MTHFD2L: variants seen among roughly 807,000 people sequenced by gnomAD.
The protein encoded by MTHFD2L is methylenetetrahydrofolate dehydrogenase (NADP+ dependent) 2 like, also known as bifunctional methylenetetrahydrofolate dehydrogenase/cyclohydrolase 2, mitochondrial.
A neutral mutation model predicts 34.9 loss-of-function variants in MTHFD2L; 29 were observed. That is an observed-to-expected ratio of 0.83 (90% confidence interval 0.62 to 1.13). The LOEUF (loss-of-function observed/expected upper bound fraction) is 1.13, where lower values mean the gene tolerates loss of function less well. Among genes scored for constraint, MTHFD2L ranks in the 50% most tolerant of loss-of-function variants. The pLI is 0.00. For synonymous variants in MTHFD2L, 167 were observed against 155.7 expected (o/e 1.07, Z -0.54); for missense variants, 481 against 446.5 (o/e 1.08, Z -0.70).
intron 6 of MTHFD2L, chr4:74,280,399 C>G (rs1006084725): frequency 1.3e-5 from 2 of 152,116 alleles, no homozygotes; most frequent in Non-Finnish European, 2.9e-5. Context: ...CAGTTGACAG[C>G]CTTAGCTATG....
chr4:74,232,861 G>C (rs1740285749), intron 6 of MTHFD2L, among the ~76,000 whole-genome samples: 4 of 151,992 alleles, frequency 2.6e-5, no homozygotes, highest in African/African-American at 7.2e-5. Context: ...ATAGTATTGA[G>C]TGCTATGGAT....
chr4:74,229,489 AAGG>A (rs1560510696), intron 6 of MTHFD2L, among the ~76,000 whole-genome samples: 1 of 152,138 alleles, frequency 6.6e-6, no homozygotes, highest in Non-Finnish European at 1.5e-5. Flanking sequence ...CTCAGGGTAG[AAGG>A]AGGAGGATTG....
chr4:74,199,647 A>T (rs1026170382), intron 3 of MTHFD2L, 147 bp from the exon 4 acceptor site: 30 of 664,764 alleles, frequency 4.5e-5, no homozygotes, highest in African/African-American at 1.5e-4. Context: ...TTTTGGTGGC[A>T]AATAATAATA....
rs201418698 is a variant in MTHFD2L, at chr4:74,174,614, C to T, written c.252C>T (p.Leu84=). The T allele has an allele frequency of 3.7e-6, 6 of 1,605,246 alleles. No homozygotes were observed. In the Admixed American group the frequency reaches 1.0e-4, roughly 27 times the overall value. Residue 84 remains leucine, a synonymous_variant, in exon 2 of 8, where the codon CTC becomes CTT. Coordinates refer to ENST00000325278, the MANE Select transcript of MTHFD2L (RefSeq NM_001144978.3). ...CCCTTGGAAACAGAAGACCTCACCT[C>T]AGTATAATTTTAGTGGGAGATAACC... ...WVSLGNRRPH[L]SIILVGDNPA...
At chr4:74,155,973 G>A (rs1724220173), upstream of MTHFD2L, among the ~76,000 whole-genome samples, 1 of 149,630 alleles carries the variant, frequency 6.7e-6, no homozygotes, top group Non-Finnish European at 1.5e-5. Flanking sequence ...TATGTATTTA[G>A]AACATACAAA....
intron 7 of MTHFD2L, among the ~76,000 whole-genome samples, chr4:74,293,154 T>G (rs575818286): frequency 6.6e-6 from 1 of 152,256 alleles, no homozygotes; most frequent in Non-Finnish European, 1.5e-5. Flanking sequence ...CATCAACCCA[T>G]TGTCTACATT....
At chr4:74,174,763 A>C (rs1728705991) in intron 2 of MTHFD2L, 73 bp downstream of exon 2, 2 of 1,073,466 alleles carry the variant, frequency 1.9e-6, no homozygotes, top group Admixed American at 3.0e-5. Context: ...GATAATTATG[A>C]ATGATAATTA....
chr4:74,141,226 A>C (rs751241548), intron 1 of MTHFD2L, among the ~76,000 whole-genome samples: 1 of 152,202 alleles, frequency 6.6e-6, no homozygotes, highest in East Asian at 1.9e-4. Context: ...TTGCTCAGCA[A>C]GAATCGAGAT....
intron 1 of MTHFD2L, among the ~76,000 whole-genome samples, chr4:74,173,080 A>G (rs892282522): frequency 6.6e-6 from 1 of 151,950 alleles, no homozygotes; most frequent in Admixed American, 6.6e-5. Context: ...CCTCCTTTTC[A>G]TAATATTTAT....
chr4:74,297,474 A>G (rs908214255), intron 7 of MTHFD2L, among the ~76,000 whole-genome samples: 4 of 152,016 alleles, frequency 2.6e-5, no homozygotes, highest in Non-Finnish European at 5.9e-5. Flanking sequence ...TTAAACAGAC[A>G]CAAATATGCC....
chr4:74,281,883 GA>G (rs1414583555), intron 7 of MTHFD2L, among the ~76,000 whole-genome samples: 3 of 151,952 alleles, frequency 2.0e-5, no homozygotes, highest in Non-Finnish European at 4.4e-5. Context: ...TGAATTTTGG[GA>G]GTTGACATCT....
chr4:74,240,635 A>C (rs1211059187), intron 6 of MTHFD2L, among the ~76,000 whole-genome samples: 1 of 152,248 alleles, frequency 6.6e-6, no homozygotes, highest in Non-Finnish European at 1.5e-5. Context: ...GAATTAAAAA[A>C]TACAACTTGA....
intron 7 of MTHFD2L, among the ~76,000 whole-genome samples, chr4:74,287,957 G>T (rs1025679583): frequency 3.3e-5 from 5 of 152,168 alleles, no homozygotes; most frequent in Non-Finnish European, 7.4e-5. Context: ...GGAAGTCCAG[G>T]ATCAGGGGAT....
upstream of MTHFD2L, among the ~76,000 whole-genome samples, chr4:74,120,177 G>T (rs1721729146): frequency 6.6e-6 from 1 of 152,162 alleles, no homozygotes; most frequent in Non-Finnish European, 1.5e-5. Flanking sequence ...TTCAGGAGAG[G>T]CTGCAGTTCA....
At chr4:74,170,507 A>G (rs950934390) in intron 1 of MTHFD2L, among the ~76,000 whole-genome samples, 1 of 152,232 alleles carries the variant, frequency 6.6e-6, no homozygotes, top group African/African-American at 2.4e-5. Flanking sequence ...AACGCTGGAG[A>G]AAACCTTTGT....
intron 1 of MTHFD2L, among the ~76,000 whole-genome samples, chr4:74,130,050 C>A (rs1183690892): frequency 6.6e-6 from 1 of 151,962 alleles, no homozygotes; most frequent in South Asian, 2.1e-4. Context: ...AAGTCGAATC[C>A]CTGAATAGAC....
intron 5 of MTHFD2L, among the ~76,000 whole-genome samples, chr4:74,225,044 G>T (rs916005686): frequency 1.3e-5 from 2 of 152,034 alleles, no homozygotes; most frequent in Non-Finnish European, 2.9e-5. Context: ...GTATTTCAGG[G>T]ACTCTACTTA....
intron 6 of MTHFD2L, among the ~76,000 whole-genome samples, chr4:74,243,971 A>G (rs1001272605): frequency 3.3e-5 from 5 of 152,154 alleles, no homozygotes; most frequent in Non-Finnish European, 7.4e-5. Flanking sequence ...TGACGGAACA[A>G]TCTCTTGTTA....
At chr4:74,234,454 C>T (rs1408753677) in intron 6 of MTHFD2L, among the ~76,000 whole-genome samples, 1 of 152,006 alleles carries the variant, frequency 6.6e-6, no homozygotes, top group Non-Finnish European at 1.5e-5. Flanking sequence ...TTCTATAATA[C>T]TCAATTGCTG....
Sources: gnomAD v4.1 joint callset for allele counts (sites outside exome capture counted in the v4.1 genomes callset) on GRCh38, gnomAD v4.1.1 for gene constraint, MANE v1.5 for transcripts, NCBI Gene and HGNC (gene_info 2026-07-23, HGNC 2026-07-21) for gene names.